BCOR: variants seen among roughly 807,000 people sequenced by gnomAD.
BCOR encodes the protein BCL-6 corepressor.
Under a neutral mutation model 86.7 loss-of-function variants are expected in BCOR, and 10 were observed. The ratio of observed to expected loss-of-function variants is 0.12; its 90% CI spans 0.07 to 0.20. The LOEUF (loss-of-function observed/expected upper bound fraction) is 0.20, where lower values mean the gene tolerates loss of function less well. BCOR is among the 10% of genes least tolerant of loss of function. The pLI is 1.00. For synonymous variants in BCOR, 611 were observed against 609.0 expected, an observed-to-expected ratio of 1.00 and a Z score of -0.05; for missense variants, 1,259 against 1,452.1, an observed-to-expected ratio of 0.87 and a Z score of 2.16.
intron 1 of BCOR, among the ~76,000 whole-genome samples, chrX:40,124,295 C>T (rs1010705967): frequency 9.1e-6 from 1 of 109,377 alleles, no homozygotes; most frequent in Admixed American, 9.8e-5. Context: ...TTCTTTGAGA[C>T]AGCATCTCAC....
chrX:40,126,322 G>A (rs956272881), intron 1 of BCOR, among the ~76,000 whole-genome samples: 1 of 109,143 alleles, frequency 9.2e-6, no homozygotes, highest in African/African-American at 3.3e-5. Flanking sequence ...TCGGGAGATC[G>A]AGACCAGCCT....
Position 40,094,419 on chromosome X carries a change from G to A in BCOR, c.-41+2796C>T, listed in dbSNP as rs370905449. 1.5e-4 allele frequency among the ~76,000 whole-genome samples: 17 copies of A among 113,009 alleles called. No homozygotes were observed. In the East Asian group the frequency reaches 4.5e-3, roughly 30 times the overall value. On this transcript the variant is annotated intron_variant, in intron 1 of 14. Coordinates refer to ENST00000378444, the MANE Select transcript of BCOR (RefSeq NM_001123385.2). The stretch of plus-strand genomic sequence containing the variant: ...GCGTGACGGTGCCTGCGGGGTGGGG[G>A]TAGGGGGCCCACAGGCACTGGCCGC...
chrX:40,056,886 C>G (rs1253805679), intron 11 of BCOR, among the ~76,000 whole-genome samples: 1 of 112,231 alleles, frequency 8.9e-6, no homozygotes, highest in Non-Finnish European at 1.9e-5. Context: ...TAAAAGGCAA[C>G]ACCCCCAATT....
intron 1 of BCOR, among the ~76,000 whole-genome samples, chrX:40,110,667 C>CTTTT (rs546960508): frequency 2.0e-4 from 6 of 29,547 alleles, no homozygotes; most frequent in Non-Finnish European, 4.1e-4. Context: ...TTTCCTTTTT[C>CTTTT]TTTTTTTTTT....
At chrX:40,109,522 G>A (rs1039254398) in intron 1 of BCOR, among the ~76,000 whole-genome samples, 1 of 112,151 alleles carries the variant, frequency 8.9e-6, no homozygotes, top group Non-Finnish European at 1.9e-5. Context: ...CCCCGGCCCC[G>A]GGCGGCGGAG....
chrX:40,071,523 A>G, intron 5 of BCOR, 114 bp downstream of exon 5: 1 of 561,385 alleles, frequency 1.8e-6, no homozygotes, highest in Non-Finnish European at 3.0e-6. Flanking sequence ...GAAACAAAAT[A>G]CACAATGAAT....
At chrX:40,131,322 C>T (rs1296640145) in intron 1 of BCOR, among the ~76,000 whole-genome samples, 3 of 112,298 alleles carry the variant, frequency 2.7e-5, no homozygotes, top group Admixed American at 1.9e-4. Flanking sequence ...GCTCACTGCA[C>T]CCTGCATTTA....
At chrX:40,143,480 A>C (rs1038477880) in intron 1 of BCOR, among the ~76,000 whole-genome samples, 1 of 87,022 alleles carries the variant, frequency 1.1e-5, no homozygotes, top group Non-Finnish European at 2.0e-5. Context: ...GTTTACAAGA[A>C]ACATAATTAA....
At chrX:40,141,768 A>C (rs768516020) in intron 1 of BCOR, among the ~76,000 whole-genome samples, 1 of 111,220 alleles carries the variant, frequency 9.0e-6, no homozygotes, top group East Asian at 2.8e-4. Context: ...CAACAAAGTC[A>C]GGCCCTCCAA....
chrX:40,055,030 C>T (rs1284638508), intron 12 of BCOR, among the ~76,000 whole-genome samples: 4 of 112,195 alleles, frequency 3.6e-5, no homozygotes, highest in Admixed American at 9.4e-5. Context: ...ATCTGATGAC[C>T]TAACACCATA....
chrX:40,141,050 C>T (rs1937912934), intron 1 of BCOR, among the ~76,000 whole-genome samples: 1 of 112,450 alleles, frequency 8.9e-6, no homozygotes, highest in Non-Finnish European at 1.9e-5. Context: ...AAGCCATTCC[C>T]TGGCTCTGGA....
intron 1 of BCOR, among the ~76,000 whole-genome samples, chrX:40,094,369 G>A (rs1287856805): frequency 8.9e-6 from 1 of 112,742 alleles, no homozygotes; most frequent in East Asian, 2.8e-4. Flanking sequence ...GGCCCGCACG[G>A]TTCACGGCGG....
At chrX:40,149,678 G>A (rs1938131204) in intron 1 of BCOR, among the ~76,000 whole-genome samples, 1 of 111,078 alleles carries the variant, frequency 9.0e-6, no homozygotes, top group Non-Finnish European at 1.9e-5. Flanking sequence ...TTGCACTTAG[G>A]TTTGGTTCGA....
chrX:40,106,659 G>T (rs887588072), intron 1 of BCOR, among the ~76,000 whole-genome samples: 1 of 112,700 alleles, frequency 8.9e-6, no homozygotes, highest in Non-Finnish European at 1.9e-5. Context: ...GCTAGCAGCC[G>T]CTTCTCCGCG....
At chrX:40,103,302 A>G (rs142473932) in intron 1 of BCOR, among the ~76,000 whole-genome samples, 94 of 111,671 alleles carry the variant, frequency 8.4e-4, no homozygotes, top group African/African-American at 3.0e-3. Context: ...GGGAAACGCC[A>G]TGATTTAAAA....
intron 1 of BCOR, among the ~76,000 whole-genome samples, chrX:40,154,980 A>ACG (rs1569198093): frequency 9.1e-6 from 1 of 110,359 alleles, no homozygotes; most frequent in Non-Finnish European, 1.9e-5. Flanking sequence ...ACACACACGC[A>ACG]CGCGCGCGCG....
At chrX:40,079,248 C>T (rs1935964174) in intron 1 of BCOR, among the ~76,000 whole-genome samples, 1 of 112,225 alleles carries the variant, frequency 8.9e-6, no homozygotes, top group Non-Finnish European at 1.9e-5. Context: ...CAAATGTTCC[C>T]TAAGTCGACA....
chrX:40,066,546 C>G (rs900722880), intron 6 of BCOR, among the ~76,000 whole-genome samples: 3 of 111,223 alleles, frequency 2.7e-5, no homozygotes, highest in Non-Finnish European at 5.7e-5. Flanking sequence ...GCTATGATCC[C>G]CAGACCAGCT....
At chrX:40,113,670 C>T (rs1196746908) in intron 1 of BCOR, among the ~76,000 whole-genome samples, 2 of 110,862 alleles carry the variant, frequency 1.8e-5, no homozygotes, top group African/African-American at 3.3e-5. Context: ...CAGTGTGCAG[C>T]GATGTACATA....
Sources: gnomAD v4.1 joint callset for allele counts (sites outside exome capture counted in the v4.1 genomes callset) on GRCh38, gnomAD v4.1.1 for gene constraint, MANE v1.5 for transcripts, NCBI Gene and HGNC (gene_info 2026-07-23, HGNC 2026-07-21) for gene names.